ZNRF3: variants seen among roughly 807,000 people sequenced by gnomAD.
ZNRF3 encodes zinc and ring finger 3, also known as E3 ubiquitin-protein ligase ZNRF3.
Under a neutral mutation model 72.5 loss-of-function variants are expected in ZNRF3, and 23 were observed. The observed-to-expected ratio is 0.32, with a 90% CI of 0.23 to 0.45. ZNRF3 has a LOEUF of 0.45. ZNRF3 is among the 20% of genes least tolerant of loss of function. The probability of loss-of-function intolerance (pLI) is 1.00; values close to 1 mark genes in which losing one functional copy is unlikely to be tolerated. For synonymous variants in ZNRF3, 610 were observed against 545.3 expected (o/e 1.12, Z -1.65); for missense variants, 1,169 against 1,272.1 (o/e 0.92, Z 1.23).
chr22:28,968,847 C>T (rs550370956), intron 1 of ZNRF3, among the ~76,000 whole-genome samples: 60 of 152,242 alleles, frequency 3.9e-4, no homozygotes, highest in South Asian at 2.5e-3. Context: ...TGGAAACTCA[C>T]GGAGTCAGAG....
chr22:28,901,844 G>A (rs1416448724), intron 1 of ZNRF3, among the ~76,000 whole-genome samples: 1 of 150,914 alleles, frequency 6.6e-6, no homozygotes, highest in African/African-American at 2.4e-5. Context: ...GTTTTGCCAT[G>A]TTGCCCAGGC....
intron 2 of ZNRF3, among the ~76,000 whole-genome samples, chr22:29,004,504 G>T (rs1312832483): frequency 6.6e-6 from 1 of 152,180 alleles, no homozygotes; most frequent in African/African-American, 2.4e-5. Context: ...CATCCCAAGT[G>T]TACCCGAAGC....
rs1487447744 is a variant in ZNRF3, at chr22:29,050,313, C to A, written c.2132C>A (p.Ala711Asp). 2 of 1,599,164 alleles carry A rather than the reference C, an allele frequency of 1.3e-6. No individual in the cohort carries two copies. Among genetic ancestry groups the A allele is most frequent in the Admixed American group, 1.7e-5 (1 of 59,750 alleles). Reference protein sequence around the residue: ...WKGGHELPSCACCCEPQPSPA... With the variant: ...WKGGHELPSCDCCCEPQPSPA... ...GGGGGCCACGAGTTGCCGTCGTGTG[C>A]CTGCTGCTGCGAGCCCCAGCCCTCC... The change falls in exon 8 of 9, where the codon GCC becomes GAC. Residue 711 changes from alanine to aspartate, a missense_variant. Physicochemically the swap from Ala to Asp is moderately radical, Grantham distance 126. Around this residue, in one of 2 missense-constraint regions of ZNRF3, gnomAD observed 783 missense variants for 731.4 expected, o/e 1.07. Coordinates refer to ENST00000544604, the MANE Select transcript of ZNRF3 (RefSeq NM_001206998.2).
At chr22:28,955,956 C>T (rs552659589) in intron 1 of ZNRF3, among the ~76,000 whole-genome samples, 15 of 152,080 alleles carry the variant, frequency 9.9e-5, no homozygotes, top group South Asian at 8.3e-4. Flanking sequence ...TTCTCGTTTG[C>T]CTCACTAACA....
intron 2 of ZNRF3, among the ~76,000 whole-genome samples, chr22:29,036,688 G>C (rs1366712437): frequency 2.6e-5 from 4 of 151,962 alleles, no homozygotes; most frequent in Admixed American, 6.6e-5. Flanking sequence ...TATATTCTTT[G>C]GCACAGGGCC....
chr22:28,997,182 C>G (rs929747539), intron 2 of ZNRF3, among the ~76,000 whole-genome samples: 13 of 152,130 alleles, frequency 8.5e-5, no homozygotes, highest in South Asian at 2.1e-4. Context: ...CTTCTCTGGT[C>G]AGTGAAACAA....
chr22:28,894,334 C>T (rs1406103530), intron 1 of ZNRF3, among the ~76,000 whole-genome samples: 1 of 141,742 alleles, frequency 7.1e-6, no homozygotes, highest in African/African-American at 2.8e-5. Context: ...TAGTAAAATA[C>T]TGGCTTTTTT....
intron 1 of ZNRF3, among the ~76,000 whole-genome samples, chr22:28,953,677 C>T (rs1012120672): frequency 1.1e-4 from 16 of 152,216 alleles, no homozygotes; most frequent in Admixed American, 2.0e-4. Flanking sequence ...AAGGATATTT[C>T]TCTAAGGCCA....
intron 2 of ZNRF3, among the ~76,000 whole-genome samples, chr22:29,033,835 C>G (rs1324977017): frequency 6.6e-6 from 1 of 152,108 alleles, no homozygotes; most frequent in Non-Finnish European, 1.5e-5. Flanking sequence ...GAAGAGCAGG[C>G]CCATGGCAAG....
chr22:28,991,867 G>A (rs1446690831), intron 2 of ZNRF3, among the ~76,000 whole-genome samples: 2 of 151,998 alleles, frequency 1.3e-5, no homozygotes, highest in Non-Finnish European at 2.9e-5. Flanking sequence ...GCTCACCTGG[G>A]CACGGTGGCT....
intron 1 of ZNRF3, among the ~76,000 whole-genome samples, chr22:28,885,162 C>T (rs577965080): frequency 1.3e-5 from 2 of 152,200 alleles, no homozygotes; most frequent in Admixed American, 6.5e-5. Flanking sequence ...TGCATAGCAG[C>T]CCGCAGCGTA....
In ZNRF3 at chr22:29,036,818, A is replaced by G. The variant is rs1439353441; in HGVS notation, c.427-5677A>G. Among the ~76,000 whole-genome samples the G allele has an allele frequency of 2.0e-5, 3 of 152,350 alleles. No individual in the cohort carries two copies. The East Asian group carries it at 5.8e-4, about 29-fold the overall frequency. ...AAATACATGTATAGTGTGTAGGAAA[A>G]AAAAATCACAGCCATTTAAAATATT... On this transcript the variant is annotated intron_variant, in intron 2 of 8. Coordinates refer to ENST00000544604, the MANE Select transcript of ZNRF3 (RefSeq NM_001206998.2).
At chr22:29,043,157 TG>T in intron 3 of ZNRF3, 141 bp from the exon 4 acceptor site, 1 of 909,872 alleles carries the variant, frequency 1.1e-6, no homozygotes, top group Non-Finnish European at 1.6e-6. Context: ...CTTGCTCTTC[TG>T]GGAGCTCCAA....
At position 29,055,962 on chromosome 22, in the gene ZNRF3, T is replaced by G. The variant is rs2037290446; in HGVS notation, c.*2340T>G. The G allele has an allele frequency of 6.6e-6, 1 of 152,190 alleles. No homozygotes were observed. Among genetic ancestry groups the G allele is most frequent in the African/African-American group, 2.4e-5 (1 of 41,432 alleles). The allele number at this position is 152,190 out of a possible 1,614,324, so 9.4% of individuals were successfully genotyped here. On this transcript the variant is annotated 3_prime_UTR_variant, in exon 9 of 9. Coordinates refer to ENST00000544604, the MANE Select transcript of ZNRF3 (RefSeq NM_001206998.2). ...GTAGAGAATGTGGCTTCAACTGGGC[T>G]TATTAAAGTAAGTGTGTCTAGTTTT...
chr22:28,986,398 G>A (rs5762938), intron 1 of ZNRF3, among the ~76,000 whole-genome samples: 8,096 of 152,282 alleles, frequency 0.053, 456 homozygotes, highest in African/African-American at 0.14. Flanking sequence ...GTACCACTCA[G>A]TGATAGAACT....
chr22:28,900,024 A>G (rs1238694288), intron 1 of ZNRF3, among the ~76,000 whole-genome samples: 1 of 151,972 alleles, frequency 6.6e-6, no homozygotes, highest in African/African-American at 2.4e-5. Context: ...TTTCTTCCCT[A>G]CTTGTTGGAG....
At chr22:29,029,170 C>G (rs1159647922) in intron 2 of ZNRF3, among the ~76,000 whole-genome samples, 3 of 152,196 alleles carry the variant, frequency 2.0e-5, no homozygotes, top group Non-Finnish European at 2.9e-5. Flanking sequence ...CAAGGAGCTC[C>G]AAGGAGTTGG....
At chr22:28,911,227 T>C (rs1473058369) in intron 1 of ZNRF3, among the ~76,000 whole-genome samples, 1 of 151,972 alleles carries the variant, frequency 6.6e-6, no homozygotes, top group Non-Finnish European at 1.5e-5. Context: ...GAAAGAACTT[T>C]GGAGGGCAAG....
chr22:29,022,332 A>G (rs2036555620), intron 2 of ZNRF3, among the ~76,000 whole-genome samples: 1 of 152,176 alleles, frequency 6.6e-6, no homozygotes, highest in Non-Finnish European at 1.5e-5. Context: ...TTAGCTGTTA[A>G]CGTGACCCCC....
Sources: gnomAD v4.1 joint callset for allele counts (sites outside exome capture counted in the v4.1 genomes callset) on GRCh38, gnomAD v4.1.1 for gene constraint, gnomAD v4.1.1 regional missense constraint, MANE v1.5 for transcripts, NCBI Gene and HGNC (gene_info 2026-07-23, HGNC 2026-07-21) for gene names.